RORA: variants seen among roughly 807,000 people sequenced by gnomAD.
RORA encodes RAR related orphan receptor A.
A neutral mutation model predicts 69.5 loss-of-function variants in RORA; 7 were observed. The observed-to-expected ratio is 0.10, with a 90% confidence interval of 0.06 to 0.19. The LOEUF (loss-of-function observed/expected upper bound fraction) is 0.19. Among genes scored for constraint, RORA ranks in the 10% least tolerant of loss-of-function variants. The pLI, the probability that RORA is intolerant of heterozygous loss-of-function variation, is 1.00. For missense variants in RORA, 457 were observed against 663.0 expected (o/e 0.69, Z 3.41); for synonymous variants, 261 against 240.8 (o/e 1.08, Z -0.78).
rs558122675 is a variant in RORA at position 60,670,680 on chromosome 15, C to A, written c.196+7977G>T. 3.0e-4 allele frequency among the ~76,000 whole-genome samples: 45 copies of A among 152,212 alleles called. 2 individuals are homozygous for A. The South Asian group carries it at 8.5e-3, about 29-fold the overall frequency. On this transcript the variant is annotated intron_variant, in intron 2 of 10. Coordinates refer to ENST00000335670, the MANE Select transcript of RORA (RefSeq NM_134261.3). ...GGAAGTGGATTGGGTGGAGAACATTCCATTGCAAGGGATTTTGGCAGTCAA... is the reference window on the plus strand; with the variant it reads ...GGAAGTGGATTGGGTGGAGAACATTACATTGCAAGGGATTTTGGCAGTCAA...
rs1178965015 is a variant in RORA at position 61,226,417 on chromosome 15, T to A, written c.166+2636A>T. Among the ~76,000 whole-genome samples the A allele has an allele frequency of 6.6e-6, 1 of 152,226 alleles. No homozygotes were observed. The highest frequency in any genetic ancestry group is 2.4e-5 in the African/African-American group (1 of 41,454). ...CACCTAGTGTGTAGGTTAATTTCTT[T>A]CCGATATTGTAATTTATGCAACATT... On this transcript the variant is annotated intron_variant, in intron 1 of 10. Transcript: ENST00000335670. This position sits in a 1 kb window ranked among gnomAD's most constrained non-coding sequence, Gnocchi z 4.2.
intron 2 of RORA, among the ~76,000 whole-genome samples, chr15:60,577,044 A>AC (rs2068046525): frequency 6.6e-6 from 1 of 152,202 alleles, no homozygotes; most frequent in Non-Finnish European, 1.5e-5. Context: ...TGCTATATTA[A>AC]TAAAAAAAAC....
intron 1 of RORA, among the ~76,000 whole-genome samples, chr15:61,026,841 G>A (rs1895841923): frequency 6.6e-6 from 1 of 152,130 alleles, no homozygotes; most frequent in African/African-American, 2.4e-5. Context: ...TGGCACCTCT[G>A]AACAATGCCT....
intron 1 of RORA, among the ~76,000 whole-genome samples, chr15:61,171,083 C>A (rs2079580869): frequency 6.6e-6 from 1 of 152,126 alleles, no homozygotes; most frequent in Non-Finnish European, 1.5e-5. Flanking sequence ...TGATTTAAGC[C>A]CGCCCTCTTT....
At chr15:60,623,474 G>C (rs1002736145) in intron 2 of RORA, among the ~76,000 whole-genome samples, 2 of 152,202 alleles carry the variant, frequency 1.3e-5, no homozygotes, top group African/African-American at 2.4e-5. Flanking sequence ...CTAGGCACTT[G>C]TCTAACTACT....
intron 1 of RORA, among the ~76,000 whole-genome samples, chr15:61,217,461 G>C (rs1434120586): frequency 1.3e-5 from 2 of 152,146 alleles, no homozygotes; most frequent in Non-Finnish European, 2.9e-5. Context: ...GACTAGGTGA[G>C]GCAGAGGAGG....
chr15:61,142,364 T>G (rs1453816793), intron 1 of RORA, among the ~76,000 whole-genome samples: 4 of 152,170 alleles, frequency 2.6e-5, no homozygotes, highest in African/African-American at 9.7e-5. Context: ...TTGACAATTA[T>G]TAACTATAAC....
intron 2 of RORA, among the ~76,000 whole-genome samples, chr15:60,549,697 T>C (rs1419192921): frequency 6.6e-6 from 1 of 152,198 alleles, no homozygotes; most frequent in Non-Finnish European, 1.5e-5. Context: ...TCATCCATTT[T>C]CTCTGCTTTC....
At chr15:61,088,935 CTG>C (rs1356366365) in intron 1 of RORA, among the ~76,000 whole-genome samples, 1 of 152,224 alleles carries the variant, frequency 6.6e-6, no homozygotes, top group Non-Finnish European at 1.5e-5. Context: ...GCTAGGGAGA[CTG>C]TGAATCACAA....
intron 1 of RORA, among the ~76,000 whole-genome samples, chr15:60,872,473 C>T (rs2073567931): frequency 6.6e-6 from 1 of 152,096 alleles, no homozygotes; most frequent in African/African-American, 2.4e-5. Context: ...CCTGAGAGAC[C>T]ACACCAGGGT....
intron 2 of RORA, among the ~76,000 whole-genome samples, chr15:60,636,579 A>AAATCT (rs2069843943): frequency 6.6e-6 from 1 of 152,218 alleles, no homozygotes; most frequent in South Asian, 2.1e-4. Context: ...TTTCTGAAGG[A>AAATCT]AAAGGATGCC....
chr15:60,663,591 G>T (rs1379403039), intron 2 of RORA, among the ~76,000 whole-genome samples: 1 of 152,164 alleles, frequency 6.6e-6, no homozygotes, highest in South Asian at 2.1e-4. Flanking sequence ...AAGTAGTTGG[G>T]ATCACAGGCA....
At chr15:60,514,484 TG>T (rs1360751899) in intron 4 of RORA, 131 bp downstream of exon 4, 6 of 799,522 alleles carry the variant, frequency 7.5e-6, no homozygotes, top group African/African-American at 3.5e-5. Context: ...CAGAGGAGCA[TG>T]GGGGGCGGGG....
chr15:60,864,441 T>C lies in RORA; in HGVS notation c.167-185755A>G, dbSNP rs191768028. Among the ~76,000 whole-genome samples the C allele has an allele frequency of 5.9e-5, 9 of 152,142 alleles. No individual in the cohort carries two copies. In the East Asian group the frequency reaches 1.7e-3, roughly 29 times the overall value. On this transcript the variant is annotated intron_variant, in intron 1 of 10. Transcript: ENST00000335670. ...TTTCACAGTTTCGATGGGGACTTAG[T>C]GACAGCCCAACACAGCAAACGTCCT...
intron 1 of RORA, among the ~76,000 whole-genome samples, chr15:60,850,204 G>A (rs1381326840): frequency 6.6e-6 from 1 of 152,098 alleles, no homozygotes; most frequent in Non-Finnish European, 1.5e-5. Context: ...CATGTTTAGG[G>A]TCGAAATAAC....
intron 1 of RORA, among the ~76,000 whole-genome samples, chr15:61,199,229 G>T (rs145762517): frequency 6.6e-6 from 1 of 151,710 alleles, no homozygotes; most frequent in South Asian, 2.1e-4. Flanking sequence ...CTCTGCTCTC[G>T]GGAGCAGTGC....
intron 1 of RORA, among the ~76,000 whole-genome samples, chr15:61,177,186 C>A (rs1251376014): frequency 6.6e-6 from 1 of 152,120 alleles, no homozygotes; most frequent in Non-Finnish European, 1.5e-5. Context: ...ATGCTACTTC[C>A]AGCAGAGAAG....
At chr15:60,840,396 T>C (rs2073179980) in intron 1 of RORA, among the ~76,000 whole-genome samples, 1 of 152,254 alleles carries the variant, frequency 6.6e-6, no homozygotes, top group Admixed American at 6.5e-5. Flanking sequence ...CCCCAGGTTC[T>C]TAGGCAAGAT....
intron 2 of RORA, among the ~76,000 whole-genome samples, chr15:60,591,522 C>T (rs983190613): frequency 2.6e-5 from 4 of 152,164 alleles, no homozygotes; most frequent in Non-Finnish European, 2.9e-5. Context: ...TCCCCTCCCG[C>T]CCCCGGCCCG....
Sources: allele counts gnomAD v4.1 joint callset (sites outside exome capture counted in the v4.1 genomes callset), GRCh38; gene constraint gnomAD v4.1.1; non-coding constraint Gnocchi (gnomAD v3.1); transcripts MANE v1.5; gene names NCBI Gene and HGNC (gene_info 2026-07-23, HGNC 2026-07-21).